The following IBSP variants were observed in gnomAD, a reference collection of about 807,000 sequenced individuals.
IBSP encodes integrin-binding sialoprotein.
A neutral mutation model predicts 25.5 loss-of-function variants in IBSP; 19 were observed. That is an observed-to-expected ratio of 0.74 (90% CI 0.52 to 1.09). The LOEUF is 1.09. Among genes scored for constraint, IBSP ranks in the 50% least tolerant of loss-of-function variants. IBSP has a pLI of 0.00. For missense variants in IBSP, 360 were observed against 382.3 expected, an observed-to-expected ratio of 0.94 and a Z score of 0.49; for synonymous variants, 144 against 137.6, an observed-to-expected ratio of 1.05 and a Z score of -0.33.
In IBSP at chr4:87,802,347, G is replaced by A; in HGVS notation, c.-14-1G>A. Reference sequence around the variant, plus strand: ...TAACCTTACCACTTCATTAATTCCAGAAGCAATCACCAAAATGAAGACTGC... The same window carrying A: ...TAACCTTACCACTTCATTAATTCCAAAAGCAATCACCAAAATGAAGACTGC... On this transcript the variant is annotated splice_acceptor_variant, in intron 1 of 6. Coordinates refer to ENST00000226284, the MANE Select transcript of IBSP (RefSeq NM_004967.4). LOFTEE classifies it low-confidence loss of function (5UTR_SPLICE). 1 of 1,596,522 alleles carries A rather than the reference G, an allele frequency of 6.3e-7. No individual in the cohort carries two copies. The highest frequency in any genetic ancestry group is 1.1e-5 in the South Asian group (1 of 88,090).
chr4:87,801,617 G>C (rs1023532355), intron 1 of IBSP, among the ~76,000 whole-genome samples: 2 of 151,832 alleles, frequency 1.3e-5, no homozygotes, highest in East Asian at 3.9e-4. Context: ...AACCTATATA[G>C]AAGCTGGAAA....
In IBSP at chr4:87,802,729, C is replaced by T; in HGVS notation, c.181C>T (p.Gln61Ter). 1 of 1,524,468 alleles carries T rather than the reference C, an allele frequency of 6.6e-7. No individual in the cohort carries two copies. The highest frequency in any genetic ancestry group is 8.8e-7 in the Non-Finnish European group (1 of 1,140,708). The allele number at this position is 1,524,468 out of a possible 1,614,324, so 94.4% of individuals were successfully genotyped here. Residue 61 changes from glutamine to a stop codon, truncating the protein, a stop_gained and splice_region_variant, in exon 4 of 7, where the codon CAG becomes TAG. Transcript: ENST00000226284. LOFTEE classifies it high-confidence loss of function. ...TCCTCATTTAAAACGATTTCCAGTT[C>T]AGGTAAATATAGAAATTCATTTTTC... The part of the protein sequence containing the change: ...FYPHLKRFPV[Q>*]GSSDSSEENG...
chr4:87,808,617 C>A lies in IBSP; in HGVS notation c.247-1989C>A, dbSNP rs563152775. Reference sequence around the variant, plus strand: ...AGTGCGTGCCTTGTGTTCCATTCCACTCATTAACAAACCCCTACCAAAGGC... The same window carrying A: ...AGTGCGTGCCTTGTGTTCCATTCCAATCATTAACAAACCCCTACCAAAGGC... On this transcript the variant is annotated intron_variant, in intron 5 of 6. Transcript: ENST00000226284. Among the ~76,000 whole-genome samples, 264 of 152,292 alleles carry A rather than the reference C, an allele frequency of 1.7e-3. 1 individual carries two copies. Among genetic ancestry groups the A allele is most frequent in the Non-Finnish European group, 2.9e-3 (194 of 68,028 alleles).
At chr4:87,802,246 C>A in intron 1 of IBSP, 102 bp from the exon 2 acceptor site, 2 of 672,976 alleles carry the variant, frequency 3.0e-6, no homozygotes, top group Non-Finnish European at 5.0e-6. Flanking sequence ...GATAATTACA[C>A]AGAAATGAAA....
chr4:87,802,383 C>G lies in IBSP; in HGVS notation c.22C>G (p.Leu8Val). Residue 8 changes from leucine (L) to valine (V), a missense_variant, in exon 2 of 7, where the codon CTC becomes GTC. Leu to Val is a conservative substitution (Grantham distance 32, BLOSUM62 1). Transcript: ENST00000226284. ...CAAAATGAAGACTGCTTTAATTTTG[C>G]TCAGCATTTTGGGAATGGCCTGTGC... Reference protein sequence around the residue: MKTALILLSILGMACAFS... With the variant: MKTALILVSILGMACAFS... The G allele has an allele frequency of 1.2e-6, 2 of 1,610,512 alleles. No homozygotes were observed. Among genetic ancestry groups the G allele is most frequent in the Non-Finnish European group, 8.5e-7 (1 of 1,178,482 alleles).
chr4:87,811,290 G>C, intron 6 of IBSP, 72 bp from the exon 7 acceptor site: 1 of 1,503,444 alleles, frequency 6.7e-7, no homozygotes, highest in South Asian at 1.3e-5. Context: ...GTATTGTGTT[G>C]CATGAAATGA....
chr4:87,811,470 A>C lies in IBSP; in HGVS notation c.514A>C (p.Asn172His). 1 of 1,614,080 alleles carries C rather than the reference A, an allele frequency of 6.2e-7. No homozygotes were observed. The highest frequency in any genetic ancestry group is 1.3e-5 in the African/African-American group (1 of 75,030). Residue 172 changes from asparagine (N) to histidine (H), a missense_variant, in exon 7 of 7, where the codon AAC becomes CAC. By Grantham distance (68) the Asn-to-His change is moderately conservative (BLOSUM62 1). Coordinates refer to ENST00000226284, the MANE Select transcript of IBSP (RefSeq NM_004967.4). ...AGAAAGCGAAGCAGAAGTGGATGAA[A>C]ACGAACAAGGCATAAACGGCACCAG... ...NEESEAEVDE[N>H]EQGINGTSTN...
intron 6 of IBSP, 144 bp from the exon 7 acceptor site, chr4:87,811,218 C>G (rs1040562082): frequency 6.7e-6 from 6 of 889,840 alleles, no homozygotes; most frequent in African/African-American, 1.7e-5. Flanking sequence ...TTTAAAGCCC[C>G]CAATCATTTT....
intron 5 of IBSP, among the ~76,000 whole-genome samples, chr4:87,808,788 A>G (rs1722128045): frequency 6.6e-6 from 1 of 152,152 alleles, no homozygotes; most frequent in Non-Finnish European, 1.5e-5. Flanking sequence ...GTTGTAGATC[A>G]TTTATTCTCA....
At position 87,811,472 on chromosome 4, in the gene IBSP, C is replaced by A. The variant is rs752731584; in HGVS notation, c.516C>A (p.Asn172Lys). Residue 172 changes from asparagine to lysine, a missense_variant, in exon 7 of 7, where the codon AAC becomes AAA. Asn to Lys is a moderately conservative substitution (Grantham distance 94). Coordinates refer to ENST00000226284, the MANE Select transcript of IBSP (RefSeq NM_004967.4). ...AAAGCGAAGCAGAAGTGGATGAAAA[C>A]GAACAAGGCATAAACGGCACCAGTA... ...NEESEAEVDE[N>K]EQGINGTSTN... 5.6e-6 allele frequency: 9 copies of A among 1,613,508 alleles called. No individual in the cohort carries two copies. In the East Asian group the frequency reaches 2.0e-4, roughly 36 times the overall value.
Position 87,811,500 on chromosome 4 carries a change from A to T in IBSP, c.544A>T (p.Asn182Tyr), listed in dbSNP as rs756049118. 1.9e-6 allele frequency: 3 copies of T among 1,614,112 alleles called. No individual in the cohort carries two copies. Among genetic ancestry groups the T allele is most frequent in the Non-Finnish European group, 8.5e-7 (1 of 1,180,010 alleles). ...NEQGINGTSTNSTEAENGNGS... is the reference protein window; with the variant it reads ...NEQGINGTSTYSTEAENGNGS... ...ACAAGGCATAAACGGCACCAGTACC[A>T]ACAGCACAGAGGCAGAAAACGGCAA... Residue 182 changes from asparagine (N) to tyrosine (Y), a missense_variant, in exon 7 of 7, where the codon AAC becomes TAC. Transcript: ENST00000226284.
rs769110229 is a variant in IBSP, at chr4:87,802,387, G to C, written c.26G>C (p.Ser9Thr). 4.3e-6 allele frequency: 7 copies of C among 1,610,784 alleles called. No individual in the cohort carries two copies. In the South Asian group the frequency reaches 7.8e-5, roughly 18 times the overall value. Residue 9 changes from serine (S) to threonine (T), a missense_variant, in exon 2 of 7, where the codon AGC becomes ACC. Ser to Thr is a moderately conservative substitution (Grantham distance 58). Coordinates refer to ENST00000226284, the MANE Select transcript of IBSP (RefSeq NM_004967.4). ...ATGAAGACTGCTTTAATTTTGCTCAGCATTTTGGGAATGGCCTGTGCTTTC... is the reference window on the plus strand; with the variant it reads ...ATGAAGACTGCTTTAATTTTGCTCACCATTTTGGGAATGGCCTGTGCTTTC... MKTALILL[S>T]ILGMACAFSM...
rs17013182 is a variant in IBSP, at chr4:87,811,722, A to G, written c.766A>G (p.Thr256Ala). Residue 256 changes from threonine (T) to alanine (A), a missense_variant, in exon 7 of 7, where the codon ACC becomes GCC. Coordinates refer to ENST00000226284, the MANE Select transcript of IBSP (RefSeq NM_004967.4). The stretch of plus-strand genomic sequence containing the variant: ...TTCCCCACCTTTTGGGAAAACCACC[A>G]CCGTTGAATACGAGGGGGAGTACGA... The part of the protein sequence containing the change: ...TTSPPFGKTT[T>A]VEYEGEYEYT... The G allele has an allele frequency of 0.027, 43,888 of 1,613,956 alleles. 1,225 individuals carry two copies. Among genetic ancestry groups the G allele is most frequent in the East Asian group, 0.16 (7,052 of 44,850 alleles).
At chr4:87,801,804 T>C (rs985969024) in intron 1 of IBSP, among the ~76,000 whole-genome samples, 7 of 152,076 alleles carry the variant, frequency 4.6e-5, no homozygotes, top group African/African-American at 1.7e-4. Flanking sequence ...GCCAAGCTAA[T>C]TTCTGCACTG....
At chr4:87,806,301 T>A in intron 5 of IBSP, 117 bp downstream of exon 5, 1 of 737,322 alleles carries the variant, frequency 1.4e-6, no homozygotes, top group Non-Finnish European at 2.3e-6. Context: ...TAACTGCCCA[T>A]AATATCCTAT....
chr4:87,811,766 A>T lies in IBSP; in HGVS notation c.810A>T (p.Glu270Asp), dbSNP rs1054629. 486,079 of 1,613,472 alleles carry T rather than the reference A, an allele frequency of 0.3. 77,870 individuals carry two copies. The highest frequency in any genetic ancestry group is 0.33 in the South Asian group (29,855 of 91,000). ...EGEYEYTGANEYDNGYEIYES... is the reference protein window; with the variant it reads ...EGEYEYTGANDYDNGYEIYES... ...AGTACGAATACACGGGCGCCAATGA[A>T]TACGACAATGGATATGAAATCTATG... The change falls in exon 7 of 7, where the codon GAA (glutamate) becomes GAT (aspartate). Residue 270 changes from glutamate to aspartate, a missense_variant. Glu to Asp is a conservative substitution (Grantham distance 45). Coordinates refer to ENST00000226284, the MANE Select transcript of IBSP (RefSeq NM_004967.4).
intron 5 of IBSP, among the ~76,000 whole-genome samples, chr4:87,806,776 G>A (rs1193376381): frequency 6.6e-6 from 1 of 152,014 alleles, no homozygotes; most frequent in Non-Finnish European, 1.5e-5. Flanking sequence ...AGGCCAAGGC[G>A]GCCAGATCAC....
At position 87,811,544 on chromosome 4, in the gene IBSP, C is replaced by A. The variant is rs371985463; in HGVS notation, c.588C>A (p.Asp196Glu). 7.6e-5 allele frequency: 122 copies of A among 1,613,670 alleles called. No homozygotes were observed. The highest frequency in any genetic ancestry group is 9.7e-5 in the Non-Finnish European group (114 of 1,179,942). Reference protein sequence around the residue: ...AENGNGSSGGDNGEEGEEESV... With the variant: ...AENGNGSSGGENGEEGEEESV... The stretch of plus-strand genomic sequence containing the variant: ...ACGGCAACGGCAGCAGCGGAGGAGA[C>A]AATGGAGAAGAAGGGGAAGAAGAAA... The change falls in exon 7 of 7, where the codon GAC (aspartate) becomes GAA (glutamate). Residue 196 changes from aspartate to glutamate, a missense_variant. Physicochemically the swap from Asp to Glu is conservative, Grantham distance 45 (BLOSUM62 2). Transcript: ENST00000226284.
intron 1 of IBSP, among the ~76,000 whole-genome samples, chr4:87,801,233 C>T (rs142233004): frequency 2.0e-5 from 3 of 152,028 alleles, no homozygotes. Context: ...GTCACCCTAA[C>T]CCTGGAGAGC....
Sources: allele counts gnomAD v4.1 joint callset (sites outside exome capture counted in the v4.1 genomes callset), GRCh38; gene constraint gnomAD v4.1.1; transcripts MANE v1.5; gene names NCBI Gene and HGNC (gene_info 2026-07-23, HGNC 2026-07-21).